Variants in GLCCI1 observed in about 807,000 individuals in gnomAD.
GLCCI1 encodes glucocorticoid-induced transcript 1 protein.
A neutral mutation model predicts 52.2 loss-of-function variants in GLCCI1; 24 were observed. The ratio of observed to expected loss-of-function variants is 0.46; its 90% CI spans 0.33 to 0.65. GLCCI1 has a LOEUF of 0.65. Among genes scored for constraint, GLCCI1 ranks in the 30% least tolerant of loss-of-function variants. The pLI is 0.02. For missense variants in GLCCI1, 704 were observed against 701.5 expected, an observed-to-expected ratio of 1.00 and a Z score of -0.04; for synonymous variants, 310 against 276.5, an observed-to-expected ratio of 1.12 and a Z score of -1.20.
intron 2 of GLCCI1, among the ~76,000 whole-genome samples, chr7:8,006,276 A>T (rs1345895615): frequency 6.6e-6 from 1 of 152,230 alleles, no homozygotes; most frequent in African/African-American, 2.4e-5. Context: ...GGTCATGGTG[A>T]TTAAGGACCA....
At chr7:8,022,779 T>G (rs1781522024) in intron 3 of GLCCI1, 1 of 255,726 alleles carries the variant, frequency 3.9e-6, no homozygotes, top group Non-Finnish European at 7.3e-6. Context: ...GCATTCTACA[T>G]TTTGGTGAAC....
chr7:8,051,893 T>C (rs1782266624), intron 3 of GLCCI1, among the ~76,000 whole-genome samples: 1 of 152,248 alleles, frequency 6.6e-6, no homozygotes, highest in African/African-American at 2.4e-5. Flanking sequence ...GTTGTAAATA[T>C]ATTTTCCCAG....
chr7:8,008,030 A>G (rs1334220271), intron 2 of GLCCI1, among the ~76,000 whole-genome samples: 2 of 152,182 alleles, frequency 1.3e-5, no homozygotes, highest in Non-Finnish European at 2.9e-5. Flanking sequence ...CACACATTTG[A>G]AATGATTACA....
At chr7:8,042,928 TG>T (rs1288991433) in intron 3 of GLCCI1, among the ~76,000 whole-genome samples, 3 of 152,156 alleles carry the variant, frequency 2.0e-5, no homozygotes, top group South Asian at 2.1e-4. Flanking sequence ...CAAAGAAATC[TG>T]GTATGAAAGG....
rs190331100 is a variant in GLCCI1, at chr7:8,022,355, G to A, written c.610-128G>A. The A allele has an allele frequency of 6.2e-4, 225 of 363,914 alleles. No homozygotes were observed. In the East Asian group the frequency reaches 0.011, roughly 18 times the overall value. The allele number at this position is 363,914 out of a possible 1,614,324, so 22.5% of individuals were successfully genotyped here. ...ATTTCACGGGGTCACAAAACTCTTA[G>A]CGTTTAAAGGATTTTAGTATAGCTC... On this transcript the variant is annotated intron_variant, in intron 2 of 7. Coordinates refer to ENST00000223145, the MANE Select transcript of GLCCI1 (RefSeq NM_138426.4).
At chr7:8,037,728 C>T (rs558724686) in intron 3 of GLCCI1, among the ~76,000 whole-genome samples, 1 of 151,972 alleles carries the variant, frequency 6.6e-6, no homozygotes, top group East Asian at 1.9e-4. Context: ...GGAAAGAAAA[C>T]GTGAGCAGGA....
intron 1 of GLCCI1, among the ~76,000 whole-genome samples, chr7:7,973,885 A>T (rs1300859579): frequency 6.6e-6 from 1 of 152,040 alleles, no homozygotes; most frequent in African/African-American, 2.4e-5. Flanking sequence ...ACTGTGCTCA[A>T]TGGAATACAA....
rs1783015760 is a variant in GLCCI1, at chr7:8,082,455, C to T, written c.1178-2442C>T. Among the ~76,000 whole-genome samples, 10 of 152,094 alleles carry T rather than the reference C, an allele frequency of 6.6e-5. No homozygotes were observed. The South Asian group carries it at 2.1e-3, about 32-fold the overall frequency. On this transcript the variant is annotated intron_variant, in intron 6 of 7. Transcript: ENST00000223145. ...AGCCACAGACTAGATGTCTCCATTC[C>T]CTGACCCCTATTTACAGTCTCTCTG...
intron 1 of GLCCI1, among the ~76,000 whole-genome samples, chr7:7,987,669 C>T (rs917232999): frequency 6.6e-6 from 1 of 152,166 alleles, no homozygotes; most frequent in Admixed American, 6.5e-5. Context: ...TTCACTGTAA[C>T]CCCAGACTCC....
intron 2 of GLCCI1, among the ~76,000 whole-genome samples, chr7:8,006,569 T>C (rs1442407027): frequency 6.6e-6 from 1 of 152,234 alleles, no homozygotes; most frequent in East Asian, 1.9e-4. Context: ...ACATGCCCGC[T>C]TGTAACATTT....
intron 5 of GLCCI1, among the ~76,000 whole-genome samples, chr7:8,064,714 T>A (rs1782592113): frequency 6.6e-6 from 1 of 152,114 alleles, no homozygotes; most frequent in Non-Finnish European, 1.5e-5. Context: ...ATTTTATTTT[T>A]ATTTTTTTGG....
chr7:8,053,217 T>G (rs1782300118), intron 3 of GLCCI1, among the ~76,000 whole-genome samples: 1 of 151,924 alleles, frequency 6.6e-6, no homozygotes, highest in Non-Finnish European at 1.5e-5. Context: ...TGACTATGCT[T>G]ATTACTCTCT....
intron 2 of GLCCI1, 80 bp downstream of exon 2, chr7:8,004,139 C>T (rs879146977): frequency 5.7e-6 from 7 of 1,218,482 alleles, no homozygotes; most frequent in Middle Eastern, 2.0e-4. Flanking sequence ...GTAATATAAT[C>T]AAATTTCCCC....
intron 1 of GLCCI1, among the ~76,000 whole-genome samples, chr7:8,000,285 T>C (rs531689384): frequency 6.6e-6 from 1 of 152,318 alleles, no homozygotes; most frequent in South Asian, 2.1e-4. Flanking sequence ...CTAAAATTAG[T>C]AGGTATTGCC....
intron 6 of GLCCI1, among the ~76,000 whole-genome samples, chr7:8,082,109 A>G (rs915844376): frequency 1.3e-5 from 2 of 152,204 alleles, no homozygotes; most frequent in African/African-American, 4.8e-5. Flanking sequence ...GAATCTCCTG[A>G]GCAGGCATAT....
At position 8,084,916 on chromosome 7, in the gene GLCCI1, G is replaced by A. The variant is rs757167013; in HGVS notation, c.1197G>A (p.Pro399=). The A allele has an allele frequency of 7.4e-6, 12 of 1,613,924 alleles. No individual in the cohort carries two copies. The highest frequency in any genetic ancestry group is 6.7e-5 in the Admixed American group (4 of 59,996). Residue 399 remains proline, a synonymous_variant, in exon 7 of 8, where the codon CCG becomes CCA. Coordinates refer to ENST00000223145, the MANE Select transcript of GLCCI1 (RefSeq NM_138426.4). ...DRDKDSGSSS[P]LPKYASSPKP... ...TTACAGACAGTGGGAGTAGCTCACC[G>A]TTACCCAAGTATGCTTCATCTCCCA... is the stretch of plus-strand genomic sequence containing the variant.
At chr7:8,055,335 A>G in intron 3 of GLCCI1, 98 bp from the exon 4 acceptor site, 6 of 607,960 alleles carry the variant, frequency 9.9e-6, no homozygotes, top group Non-Finnish European at 1.1e-5. Flanking sequence ...TAGAAACTTG[A>G]AAATGTTTTA....
rs189931941 is a variant in GLCCI1, at chr7:8,005,119, A to G, written c.609+1060A>G. Among the ~76,000 whole-genome samples the G allele has an allele frequency of 3.9e-5, 6 of 152,348 alleles. No individual in the cohort carries two copies. In the East Asian group the frequency reaches 1.2e-3, roughly 29 times the overall value. On this transcript the variant is annotated intron_variant, in intron 2 of 7. Coordinates refer to ENST00000223145, the MANE Select transcript of GLCCI1 (RefSeq NM_138426.4). ...ATGGCAGGCAGTGGAATTTCCAAAT[A>G]GAAATAACTAGCAAAACTTAGAGGT...
chr7:8,024,240 G>A (rs1234910557), intron 3 of GLCCI1, among the ~76,000 whole-genome samples: 1 of 152,064 alleles, frequency 6.6e-6, no homozygotes, highest in Non-Finnish European at 1.5e-5. Flanking sequence ...TTATTAGCAT[G>A]ATTTTACTTA....
Sources: gnomAD v4.1 joint callset for allele counts (sites outside exome capture counted in the v4.1 genomes callset) on GRCh38, gnomAD v4.1.1 for gene constraint, MANE v1.5 for transcripts, NCBI Gene and HGNC (gene_info 2026-07-23, HGNC 2026-07-21) for gene names.